The following COL4A1 variants were observed in gnomAD, a reference collection of about 807,000 sequenced individuals.
COL4A1 encodes the protein collagen type IV alpha 1 chain, also known as collagen alpha-1(IV) chain.
Under a neutral mutation model 216.6 loss-of-function variants are expected in COL4A1, and 40 were observed. The ratio of observed to expected loss-of-function variants is 0.18; its 90% CI spans 0.14 to 0.24. The LOEUF (loss-of-function observed/expected upper bound fraction) is 0.24, where lower values mean the gene tolerates loss of function less well. Among genes scored for constraint, COL4A1 ranks in the 10% least tolerant of loss-of-function variants. The pLI is 1.00. For missense variants in COL4A1, 1,628 were observed against 2,196.8 expected, an observed-to-expected ratio of 0.74 and a Z score of 5.18; for synonymous variants, 839 against 810.7, an observed-to-expected ratio of 1.03 and a Z score of -0.59.
At chr13:110,232,451 G>A (rs1881105382) in intron 2 of COL4A1, among the ~76,000 whole-genome samples, 1 of 152,146 alleles carries the variant, frequency 6.6e-6, no homozygotes, top group African/African-American at 2.4e-5. Context: ...GTGTTTGAAT[G>A]CTCAAAATAT....
intron 1 of COL4A1, among the ~76,000 whole-genome samples, chr13:110,244,488 C>T (rs567587121): frequency 9.8e-5 from 15 of 152,296 alleles, no homozygotes; most frequent in Non-Finnish European, 1.9e-4. Context: ...CACTCAGAGG[C>T]ATCCAAAGAG....
intron 20 of COL4A1, among the ~76,000 whole-genome samples, chr13:110,200,007 A>G (rs1180253649): frequency 6.6e-6 from 1 of 152,202 alleles, no homozygotes; most frequent in Non-Finnish European, 1.5e-5. Flanking sequence ...CAATAAAGGA[A>G]AAAAGGGGGC....
rs866683144 is a variant in COL4A1, at chr13:110,180,395, A to T, written c.2193+897T>A. On this transcript the variant is annotated intron_variant, in intron 29 of 51. Transcript: ENST00000375820. ...TCTGCCTCAGCCACCAGAGGAGGGC[A>T]CCCTGCTGTCAGGTATTTCTCCGGA... Among the ~76,000 whole-genome samples the T allele has an allele frequency of 3.3e-5, 5 of 152,258 alleles. 1 individual carries two copies. The highest frequency in any genetic ancestry group is 6.8e-3 in the Middle Eastern group (2 of 294).
rs777962282 is a variant in COL4A1 at position 110,162,243 on chromosome 13, A to G, written c.4449T>C (p.His1483=). The change falls in exon 48 of 52, where the codon CAT becomes CAC. Residue 1483 remains histidine, a synonymous_variant. Transcript: ENST00000375820. ...CAGGCTTCTTACCCAAGTCCTGGCC[A>G]TGGGCCCGTTCATTGCCTTGCACGT... The part of the protein sequence containing the change: ...LLYVQGNERA[H]GQDLGTAGSC... 23 of 1,614,070 alleles carry G rather than the reference A, an allele frequency of 1.4e-5. No homozygotes were observed. In the African/African-American group the frequency reaches 2.5e-4, roughly 18 times the overall value.
intron 2 of COL4A1, among the ~76,000 whole-genome samples, chr13:110,236,745 G>T (rs866411015): frequency 6.6e-6 from 1 of 152,226 alleles, no homozygotes; most frequent in African/African-American, 2.4e-5. Flanking sequence ...GCTCACGCTG[G>T]GGGTGTTTCT....
intron 33 of COL4A1, 36 bp downstream of exon 33, chr13:110,177,806 C>T (rs575007524): frequency 4.4e-6 from 7 of 1,606,058 alleles, no homozygotes; most frequent in East Asian, 2.2e-5. Context: ...GAGAAATAGA[C>T]ACAAAATGAG....
intron 26 of COL4A1, among the ~76,000 whole-genome samples, chr13:110,185,377 C>G (rs1878355195): frequency 6.6e-6 from 1 of 152,162 alleles, no homozygotes; most frequent in African/African-American, 2.4e-5. Flanking sequence ...AATGTCTGAC[C>G]TTGTGATCTG....
At chr13:110,192,308 G>C (rs751184869) in intron 23 of COL4A1, 24 bp from the exon 24 acceptor site, 3 of 1,609,386 alleles carry the variant, frequency 1.9e-6, no homozygotes. Flanking sequence ...GAGGGAAAAA[G>C]ACAGCAACAC....
chr13:110,222,666 G>A (rs536357781), intron 2 of COL4A1, among the ~76,000 whole-genome samples: 3 of 144,856 alleles, frequency 2.1e-5, no homozygotes, highest in African/African-American at 2.5e-5. Context: ...CCAGCTACTC[G>A]GGAGGCTGAG....
chr13:110,247,822 TGTGTGTGTGTGTGG>T (rs1323681172), intron 1 of COL4A1, among the ~76,000 whole-genome samples: 2 of 120,228 alleles, frequency 1.7e-5, no homozygotes, highest in South Asian at 3.2e-4. Flanking sequence ...TGTGTGTGTG[TGTGTGTGTGTGTGG>T]CAGAGAGAGA....
chr13:110,186,647 T>C, intron 25 of COL4A1, 94 bp from the exon 26 acceptor site: 4 of 1,459,776 alleles, frequency 2.7e-6, no homozygotes, highest in Non-Finnish European at 3.8e-6. Flanking sequence ...CAATAAGTAC[T>C]AGAGTTAACT....
At chr13:110,255,024 C>T (rs1229463038) in intron 1 of COL4A1, among the ~76,000 whole-genome samples, 5 of 152,198 alleles carry the variant, frequency 3.3e-5, no homozygotes, top group South Asian at 2.1e-4. Context: ...GCCCCTACCA[C>T]GCTAAGCCCA....
rs543047611 is a variant in COL4A1, at chr13:110,289,188, T to C, written c.84+17756A>G. Among the ~76,000 whole-genome samples, 18 of 152,284 alleles carry C rather than the reference T, an allele frequency of 1.2e-4. No homozygotes were observed. The South Asian group carries it at 3.7e-3, about 32-fold the overall frequency. ...TGCTGGATTCCTAAGTTCTCCTGGA[T>C]GGAAGAGGGGATTTTGATCTCAAAG... On this transcript the variant is annotated intron_variant, in intron 1 of 51. Coordinates refer to ENST00000375820, the MANE Select transcript of COL4A1 (RefSeq NM_001845.6).
intron 50 of COL4A1, among the ~76,000 whole-genome samples, chr13:110,154,151 G>GGGACTA (rs1876651348): frequency 6.6e-6 from 1 of 152,222 alleles, no homozygotes; most frequent in Non-Finnish European, 1.5e-5. Context: ...GTGTGAAGAT[G>GGGACTA]GGACTAGGAC....
chr13:110,192,531 C>G (rs903971315), intron 23 of COL4A1, among the ~76,000 whole-genome samples: 1 of 152,148 alleles, frequency 6.6e-6, no homozygotes, highest in Non-Finnish European at 1.5e-5. Context: ...GCCCACACAC[C>G]CAGGGACCAC....
chr13:110,250,174 GA>G (rs1449841545), intron 1 of COL4A1, among the ~76,000 whole-genome samples: 2 of 119,382 alleles, frequency 1.7e-5, no homozygotes, highest in African/African-American at 6.4e-5. Context: ...GCCCTAATTT[GA>G]AAACAACAAG....
intron 2 of COL4A1, among the ~76,000 whole-genome samples, chr13:110,240,662 G>A (rs1026956177): frequency 1.3e-5 from 2 of 152,208 alleles, no homozygotes; most frequent in Non-Finnish European, 2.9e-5. Context: ...GCCAGGTGCT[G>A]GACACCGCCT....
chr13:110,163,757 A>G (rs1291819323), intron 46 of COL4A1, among the ~76,000 whole-genome samples, 196 bp from the exon 47 acceptor site: 6 of 152,044 alleles, frequency 3.9e-5, no homozygotes, highest in Non-Finnish European at 5.9e-5. Flanking sequence ...CTGGATATTC[A>G]TAAGGGGGTG....
chr13:110,262,213 C>T (rs1882857683), intron 1 of COL4A1, among the ~76,000 whole-genome samples: 1 of 152,128 alleles, frequency 6.6e-6, no homozygotes, highest in Admixed American at 6.5e-5. Context: ...TGCCTGAGTC[C>T]CACAGGCAAG....
Sources: allele counts gnomAD v4.1 joint callset (sites outside exome capture counted in the v4.1 genomes callset), GRCh38; gene constraint gnomAD v4.1.1; transcripts MANE v1.5; gene names NCBI Gene and HGNC (gene_info 2026-07-23, HGNC 2026-07-21).